AFAP1: variants seen among roughly 807,000 people sequenced by gnomAD.
AFAP1 encodes actin filament-associated protein 1.
AFAP1 carries 75 observed loss-of-function variants against 93.9 expected under a neutral mutation model. That is an observed-to-expected ratio of 0.80 (90% CI 0.66 to 0.97). The LOEUF is 0.97. Ranked by LOEUF, AFAP1 falls within the 50% of genes least tolerant of loss-of-function variation. AFAP1 has a pLI of 0.00. For missense variants in AFAP1, 1,201 were observed against 1,050.8 expected (o/e 1.14, Z -1.98); for synonymous variants, 517 against 430.7 (o/e 1.20, Z -2.48).
intron 17 of AFAP1, among the ~76,000 whole-genome samples, chr4:7,767,886 C>T (rs1241597597): frequency 6.6e-6 from 1 of 152,148 alleles, no homozygotes. Context: ...CCAGCCTGGG[C>T]GATACTGGCC....
At chr4:7,810,739 G>A (rs1241451800) in intron 8 of AFAP1, among the ~76,000 whole-genome samples, 1 of 152,222 alleles carries the variant, frequency 6.6e-6, no homozygotes, top group African/African-American at 2.4e-5. Context: ...CTCTGGACCC[G>A]CATGTGGGCA....
intron 11 of AFAP1, among the ~76,000 whole-genome samples, chr4:7,790,299 T>A (rs942663607): frequency 1.3e-5 from 2 of 152,242 alleles, no homozygotes; most frequent in Non-Finnish European, 2.9e-5. Flanking sequence ...TTTAACGAGG[T>A]AGAAAAGATT....
chr4:7,840,949 A>G (rs1712936065), intron 5 of AFAP1, among the ~76,000 whole-genome samples: 1 of 152,238 alleles, frequency 6.6e-6, no homozygotes, highest in South Asian at 2.1e-4. Flanking sequence ...ATCAGATCAG[A>G]TAATTAGCAA....
chr4:7,787,766 C>G (rs1717443355), intron 11 of AFAP1, among the ~76,000 whole-genome samples: 1 of 152,206 alleles, frequency 6.6e-6, no homozygotes, highest in Non-Finnish European at 1.5e-5. Flanking sequence ...TCTGAAGTCG[C>G]AAGGTGCTGC....
At chr4:7,855,401 G>T in intron 4 of AFAP1, 65 bp downstream of exon 4, 4 of 1,292,322 alleles carry the variant, frequency 3.1e-6, no homozygotes, top group Non-Finnish European at 4.3e-6. Context: ...CCAGAAAGGG[G>T]ACAGGCTCTG....
intron 1 of AFAP1, among the ~76,000 whole-genome samples, chr4:7,904,291 G>A (rs1719278598): frequency 6.6e-6 from 1 of 151,992 alleles, no homozygotes; most frequent in Admixed American, 6.5e-5. Context: ...AGCGGAAACG[G>A]CTCTCCACAC....
intron 1 of AFAP1, among the ~76,000 whole-genome samples, chr4:7,876,410 G>A (rs979359618): frequency 3.3e-5 from 5 of 152,230 alleles, no homozygotes; most frequent in African/African-American, 9.6e-5. Flanking sequence ...CAGTCAATCA[G>A]ATCTTCCATT....
intron 8 of AFAP1, among the ~76,000 whole-genome samples, chr4:7,815,159 G>C (rs1270639981): frequency 1.3e-5 from 2 of 152,168 alleles, no homozygotes; most frequent in African/African-American, 4.8e-5. Flanking sequence ...ACTCACAGAA[G>C]GACACGGCCT....
At chr4:7,883,141 G>T (rs140703747) in intron 1 of AFAP1, among the ~76,000 whole-genome samples, 1 of 132,614 alleles carries the variant, frequency 7.5e-6, no homozygotes, top group African/African-American at 2.9e-5. Flanking sequence ...AGCCATAAGC[G>T]CATCACTGCA....
At chr4:7,776,795 T>A (rs1716174170) in intron 14 of AFAP1, 1 of 152,194 alleles carries the variant, frequency 6.6e-6, no homozygotes. Context: ...AACAACATAT[T>A]TGGCAAACAG....
chr4:7,933,370 C>A (rs1029041034), intron 1 of AFAP1, among the ~76,000 whole-genome samples: 1 of 152,104 alleles, frequency 6.6e-6, no homozygotes, highest in Non-Finnish European at 1.5e-5. Context: ...GTCAAGAGAT[C>A]GAGACCATCC....
chr4:7,925,215 T>C (rs1005227765), intron 1 of AFAP1, among the ~76,000 whole-genome samples: 16 of 152,168 alleles, frequency 1.1e-4, no homozygotes, highest in Admixed American at 8.5e-4. Flanking sequence ...GACCAAGCTA[T>C]AGAATTCAGA....
At chr4:7,790,038 CT>C (rs573889688) in intron 11 of AFAP1, among the ~76,000 whole-genome samples, 36 of 152,352 alleles carry the variant, frequency 2.4e-4, no homozygotes, top group Non-Finnish European at 4.7e-4. Flanking sequence ...AAATATATTA[CT>C]GCCGTCTCTT....
intron 1 of AFAP1, among the ~76,000 whole-genome samples, chr4:7,924,009 C>A (rs1380548326): frequency 6.6e-6 from 1 of 152,208 alleles, no homozygotes; most frequent in East Asian, 1.9e-4. Flanking sequence ...CAAGTCAGTA[C>A]TTTTTATATT....
chr4:7,911,164 CCTCCA>C (rs1301806457), intron 1 of AFAP1, among the ~76,000 whole-genome samples: 2 of 152,242 alleles, frequency 1.3e-5, no homozygotes, highest in African/African-American at 4.8e-5. Context: ...CGAAATGACC[CCTCCA>C]CTCCTCCCTG....
intron 1 of AFAP1, among the ~76,000 whole-genome samples, chr4:7,880,239 T>C (rs1351386593): frequency 1.3e-5 from 2 of 151,700 alleles, no homozygotes; most frequent in Non-Finnish European, 2.9e-5. Context: ...GACTCAATCA[T>C]GGATTTGAAA....
At chr4:7,790,730 T>C (rs1717789483) in intron 11 of AFAP1, among the ~76,000 whole-genome samples, 1 of 151,766 alleles carries the variant, frequency 6.6e-6, no homozygotes. Context: ...ATAATTTACC[T>C]ATATTTTGCT....
chr4:7,873,702 C>G (rs541999681), intron 1 of AFAP1, among the ~76,000 whole-genome samples: 1 of 152,176 alleles, frequency 6.6e-6, no homozygotes, highest in South Asian at 2.1e-4. Flanking sequence ...GCATGAAGCC[C>G]TCCTGCACAC....
intron 8 of AFAP1, 47 bp downstream of exon 8, chr4:7,815,971 G>GT (rs35907552): frequency 0.095 from 111,701 of 1,173,698 alleles, 18 homozygotes; most frequent in South Asian, 0.15. Context: ...TTTTGTTTTT[G>GT]TTTTTTTTTT....
Sources: gnomAD v4.1 joint callset for allele counts (sites outside exome capture counted in the v4.1 genomes callset) on GRCh38, gnomAD v4.1.1 for gene constraint, MANE v1.5 for transcripts, NCBI Gene and HGNC (gene_info 2026-07-23, HGNC 2026-07-21) for gene names.